Variants in ZNF567 observed in about 807,000 individuals in gnomAD.
ZNF567 encodes the protein zinc finger protein 567.
ZNF567 carries 36 observed loss-of-function variants against 53.9 expected under a neutral mutation model. The ratio of observed to expected loss-of-function variants is 0.67; its 90% CI spans 0.51 to 0.88. The LOEUF (loss-of-function observed/expected upper bound fraction) is 0.88. ZNF567 is among the 40% of genes least tolerant of loss of function. The pLI, the probability that ZNF567 is intolerant of heterozygous loss-of-function variation, is 0.00. For synonymous variants in ZNF567, 224 were observed against 260.4 expected, an observed-to-expected ratio of 0.86 and a Z score of 1.35; for missense variants, 619 against 764.7, an observed-to-expected ratio of 0.81 and a Z score of 2.25.
the ZNF567 span, among the ~76,000 whole-genome samples, chr19:36,671,941 CA>C: frequency 6.6e-6 from 1 of 152,214 alleles, no homozygotes; most frequent in African/African-American, 2.4e-5. Context: ...AGAAGTGGCC[CA>C]AAAGCCCATC....
At chr19:36,671,063 C>T in the ZNF567 span, among the ~76,000 whole-genome samples, 1 of 152,222 alleles carries the variant, frequency 6.6e-6, no homozygotes, top group Non-Finnish European at 1.5e-5. Flanking sequence ...GATCGCACCA[C>T]TGCACTCCAG....
chr19:36,691,479 G>A (rs2038607939), intron 2 of ZNF567, among the ~76,000 whole-genome samples: 1 of 152,112 alleles, frequency 6.6e-6, no homozygotes, highest in South Asian at 2.1e-4. Context: ...AGGATACTTT[G>A]TTAGTGACAA....
chr19:36,705,664 G>C (rs549418491), intron 3 of ZNF567, among the ~76,000 whole-genome samples: 29 of 151,658 alleles, frequency 1.9e-4, no homozygotes, highest in Non-Finnish European at 3.2e-4. Flanking sequence ...GGTGTACCCT[G>C]TAAATATCAG....
chr19:36,691,744 T>C (rs1234421519), intron 2 of ZNF567, among the ~76,000 whole-genome samples: 1 of 152,152 alleles, frequency 6.6e-6, no homozygotes, highest in Non-Finnish European at 1.5e-5. Context: ...CTGGCTTCAT[T>C]CAGTAAGGAT....
chr19:36,695,343 A>T (rs1376210884), intron 3 of ZNF567, among the ~76,000 whole-genome samples: 1 of 152,124 alleles, frequency 6.6e-6, no homozygotes, highest in Non-Finnish European at 1.5e-5. Context: ...AGCCTGGCCA[A>T]CATGGTGAAA....
At chr19:36,682,527 C>T in the ZNF567 span, among the ~76,000 whole-genome samples, 118 of 150,174 alleles carry the variant, frequency 7.9e-4, 1 homozygote, top group Admixed American at 6.4e-3. Flanking sequence ...TATGAGGGAG[C>T]CTTCTGGGAT....
At chr19:36,697,762 C>T (rs890787114) in intron 3 of ZNF567, among the ~76,000 whole-genome samples, 1 of 151,904 alleles carries the variant, frequency 6.6e-6, no homozygotes, top group African/African-American at 2.4e-5. Context: ...CAGGCATGCA[C>T]CACCATGCTG....
chr19:36,712,741 T>C, intron 4 of ZNF567, 40 bp from the exon 5 acceptor site: 1 of 1,584,262 alleles, frequency 6.3e-7, no homozygotes, highest in Non-Finnish European at 8.7e-7. Context: ...TTCAGTGGTA[T>C]TATAGCCCAA....
At chr19:36,708,199 T>A (rs989315653) in intron 3 of ZNF567, among the ~76,000 whole-genome samples, 1 of 152,234 alleles carries the variant, frequency 6.6e-6, no homozygotes, top group African/African-American at 2.4e-5. Context: ...CCATCTTGTT[T>A]GTTAAATCCA....
intron 1 of ZNF567, among the ~76,000 whole-genome samples, chr19:36,688,001 G>C (rs2038349810): frequency 6.6e-6 from 1 of 152,142 alleles, no homozygotes; most frequent in East Asian, 1.9e-4. Context: ...CCTGTGTGTT[G>C]TGGTAGGGGA....
At chr19:36,718,530 T>C (rs1600580328) in intron 5 of ZNF567, among the ~76,000 whole-genome samples, 1 of 152,050 alleles carries the variant, frequency 6.6e-6, no homozygotes, top group East Asian at 1.9e-4. Flanking sequence ...TTATAGGTGA[T>C]CTGTGTCCTC....
At chr19:36,684,268 T>C (rs548106983), upstream of ZNF567, among the ~76,000 whole-genome samples, 1 of 152,242 alleles carries the variant, frequency 6.6e-6, no homozygotes, top group Non-Finnish European at 1.5e-5. Flanking sequence ...CATGCACTTA[T>C]TCACAAATGA....
chr19:36,678,505 C>CTAAT, the ZNF567 span, among the ~76,000 whole-genome samples: 1 of 152,070 alleles, frequency 6.6e-6, no homozygotes, highest in Non-Finnish European at 1.5e-5. Flanking sequence ...GGATAAGGGG[C>CTAAT]TAATATTCAA....
the ZNF567 span, among the ~76,000 whole-genome samples, chr19:36,670,885 T>C: frequency 3.9e-4 from 60 of 152,298 alleles, no homozygotes; most frequent in Non-Finnish European, 6.5e-4. Context: ...GTGGATCATC[T>C]GAGGTCAGCA....
chr19:36,678,386 T>A, the ZNF567 span, among the ~76,000 whole-genome samples: 1 of 152,138 alleles, frequency 6.6e-6, no homozygotes, highest in Non-Finnish European at 1.5e-5. Flanking sequence ...AAATACACAC[T>A]GAGCATTAAA....
chr19:36,720,724 AAAAG>A lies in ZNF567; in HGVS notation c.*60_*63del. 1 of 1,431,354 alleles carries A rather than the reference AAAAG, an allele frequency of 7.0e-7. No individual in the cohort carries two copies. The highest frequency in any genetic ancestry group is 9.3e-7 in the Non-Finnish European group (1 of 1,075,934). The allele number at this position is 1,431,354 out of a possible 1,614,324, so 88.7% of individuals were successfully genotyped here. A position where few individuals can be genotyped will look rare whatever the true frequency, so the allele number is the denominator to read the frequency against. On this transcript the variant is annotated 3_prime_UTR_variant, in exon 6 of 6. Transcript: ENST00000682579. ...AAGCTGTTGTAAACATTTAGTTTTA[AAAAG>A]AAAAGCATGCTGAAACATGTTAATG...
At position 36,706,602 on chromosome 19, in the gene ZNF567, A is replaced by C. The variant is rs547384253; in HGVS notation, c.10-5784A>C. ...AGCCACTGTGCCTGGCCTACACCTG[A>C]ATTTTAGAGGGGACACATTCAAACT... On this transcript the variant is annotated intron_variant, in intron 3 of 5. Coordinates refer to ENST00000682579, the MANE Select transcript of ZNF567 (RefSeq NM_001322917.1). 8.6e-5 allele frequency among the ~76,000 whole-genome samples: 13 copies of C among 151,270 alleles called. No homozygotes were observed. The East Asian group carries it at 9.8e-4, about 11-fold the overall frequency.
At chr19:36,699,788 C>A (rs1346436201) in intron 3 of ZNF567, among the ~76,000 whole-genome samples, 2 of 149,288 alleles carry the variant, frequency 1.3e-5, no homozygotes, top group Admixed American at 6.8e-5. Flanking sequence ...CTGAGACTTT[C>A]CTGAAGTTGC....
intron 3 of ZNF567, among the ~76,000 whole-genome samples, chr19:36,702,553 C>G (rs997010057): frequency 6.6e-6 from 1 of 152,156 alleles, no homozygotes; most frequent in African/African-American, 2.4e-5. Context: ...CTGTCACTTT[C>G]AGGTACACCA....
Sources: gnomAD v4.1 joint callset for allele counts (sites outside exome capture counted in the v4.1 genomes callset) on GRCh38, gnomAD v4.1.1 for gene constraint, MANE v1.5 for transcripts, NCBI Gene and HGNC (gene_info 2026-07-23, HGNC 2026-07-21) for gene names.